Variants in KBTBD8 observed in about 807,000 individuals in gnomAD.
KBTBD8 encodes the protein kelch repeat and BTB domain containing 8.
Under a neutral mutation model 53.5 loss-of-function variants are expected in KBTBD8, and 31 were observed. The observed-to-expected ratio is 0.58, with a 90% CI of 0.44 to 0.78. KBTBD8 has a LOEUF of 0.78. Among genes scored for constraint, KBTBD8 ranks in the 30% least tolerant of loss-of-function variants. The probability of loss-of-function intolerance (pLI) is 0.00; values close to 1 mark genes in which losing one functional copy is unlikely to be tolerated. For synonymous variants in KBTBD8, 250 were observed against 247.3 expected (o/e 1.01, Z -0.10); for missense variants, 642 against 735.8 (o/e 0.87, Z 1.48).
chr3:67,008,986 T>C lies in KBTBD8; in HGVS notation c.*601T>C, dbSNP rs1372049976. 6.6e-6 allele frequency: 1 copy of C among 152,662 alleles called. No individual in the cohort carries two copies. Among genetic ancestry groups the C allele is most frequent in the Non-Finnish European group, 1.5e-5 (1 of 68,038 alleles). 9.5% of individuals were successfully genotyped at this position (152,662 alleles called of 1,614,324 possible). ...AGTCTGATTGTTTCCATTTCCCATG[T>C]AATTTTAAGTTAAGCTAAAGTTTTA... On this transcript the variant is annotated 3_prime_UTR_variant, in exon 4 of 4. Transcript: ENST00000417314.
intron 2 of KBTBD8, 68 bp from the exon 3 acceptor site, chr3:67,003,127 T>C (rs1575579357): frequency 6.8e-7 from 1 of 1,478,330 alleles, no homozygotes; most frequent in Non-Finnish European, 9.2e-7. Flanking sequence ...CTTTGTACTT[T>C]TAAAATCTTG....
In KBTBD8 at chr3:67,004,018, T is replaced by C. The variant is rs1702041774; in HGVS notation, c.1051T>C (p.Ser351Pro). 10 of 1,614,194 alleles carry C rather than the reference T, an allele frequency of 6.2e-6. No individual in the cohort carries two copies. The East Asian group carries it at 2.2e-4, about 36-fold the overall frequency. Residue 351 changes from serine (S) to proline (P), a missense_variant, in exon 3 of 4, where the codon TCC (serine) becomes CCC (proline). Transcript: ENST00000417314. ...GGYRPSSSEV[S>P]IDHKAENDFW... ...GTACAGGCCAAGCAGCAGTGAGGTC[T>C]CCATCGACCATAAGGCAGAAAATGA...
intron 3 of KBTBD8, 150 bp downstream of exon 3, chr3:67,004,459 G>C: frequency 1.5e-6 from 1 of 682,772 alleles, no homozygotes; most frequent in South Asian, 2.6e-5. Flanking sequence ...TCTGTAAAGA[G>C]CTATAAAGAA....
chr3:67,008,687 T>C lies in KBTBD8; in HGVS notation c.*302T>C. The C allele has an allele frequency of 3.1e-6, 1 of 318,134 alleles. No homozygotes were observed. The highest frequency in any genetic ancestry group is 5.9e-6 in the Non-Finnish European group (1 of 170,764). 19.7% of individuals were successfully genotyped at this position (318,134 alleles called of 1,614,324 possible). On this transcript the variant is annotated 3_prime_UTR_variant, in exon 4 of 4. Transcript: ENST00000417314. The stretch of plus-strand genomic sequence containing the variant: ...GGTACCAGATGAATCAGGACAACTA[T>C]GCACTCTTATAAGAGCATTTAGGGT...
chr3:67,000,449 T>A (rs1204143131), intron 2 of KBTBD8, among the ~76,000 whole-genome samples: 1 of 152,248 alleles, frequency 6.6e-6, no homozygotes, highest in Non-Finnish European at 1.5e-5. Flanking sequence ...AGCTCTAGGC[T>A]AAGCTTACTT....
At chr3:67,001,409 G>A (rs1291500680) in intron 2 of KBTBD8, among the ~76,000 whole-genome samples, 1 of 152,182 alleles carries the variant, frequency 6.6e-6, no homozygotes, top group Non-Finnish European at 1.5e-5. Context: ...TCTGGATTTT[G>A]TGTGAGGAAG....
In KBTBD8 at chr3:67,009,242, C is replaced by T. The variant is rs554962277; in HGVS notation, c.*857C>T. 6.5e-6 allele frequency: 1 copy of T among 152,722 alleles called. No individual in the cohort carries two copies. The highest frequency in any genetic ancestry group is 2.1e-4 in the South Asian group (1 of 4,832). 9.5% of individuals were successfully genotyped at this position (152,722 alleles called of 1,614,324 possible). ...TCTTGTGATTTCACAAGATTCTCTA[C>T]TTATGTGATAGGAGGGTATGGCCAG... On this transcript the variant is annotated 3_prime_UTR_variant, in exon 4 of 4. Transcript: ENST00000417314.
At chr3:66,998,886 A>G (rs1225147441) in intron 1 of KBTBD8, 95 bp from the exon 2 acceptor site, 44 of 935,682 alleles carry the variant, frequency 4.7e-5, no homozygotes, top group Non-Finnish European at 6.9e-5. Flanking sequence ...TTGTAGGGGG[A>G]AAAAGCCTAG....
intron 1 of KBTBD8, among the ~76,000 whole-genome samples, chr3:66,998,601 G>A (rs191939144): frequency 1.8e-3 from 281 of 152,296 alleles, no homozygotes; most frequent in African/African-American, 6.6e-3. Context: ...CCAGGAGGCA[G>A]CGGGAGGCGG....
intron 2 of KBTBD8, 59 bp from the exon 3 acceptor site, chr3:67,003,136 T>C (rs1457383329): frequency 2.0e-6 from 3 of 1,505,956 alleles, no homozygotes; most frequent in Non-Finnish European, 2.7e-6. Context: ...TTTAAAATCT[T>C]GCCACAATAA....
intron 3 of KBTBD8, among the ~76,000 whole-genome samples, chr3:67,006,804 G>A (rs922288231): frequency 6.6e-6 from 1 of 152,178 alleles, no homozygotes; most frequent in Non-Finnish European, 1.5e-5. Flanking sequence ...AGCTTATGTT[G>A]TACTATCTGT....
At position 67,004,143 on chromosome 3, in the gene KBTBD8, G is replaced by T. The variant is rs376670511; in HGVS notation, c.1176G>T (p.Met392Ile). Residue 392 changes from methionine (M) to isoleucine (I), a missense_variant, in exon 3 of 4, where the codon ATG becomes ATT. By Grantham distance (10) the Met-to-Ile change is conservative. Coordinates refer to ENST00000417314, the MANE Select transcript of KBTBD8 (RefSeq NM_032505.3). The stretch of plus-strand genomic sequence containing the variant: ...AACTTGTCTATTGCTGTGGTAAAAT[G>T]TATGCAATCGGAGGTCGTGTTTATG... ...GCKLVYCCGKMYAIGGRVYEG... is the reference protein window; with the variant it reads ...GCKLVYCCGKIYAIGGRVYEG... 6.8e-6 allele frequency: 11 copies of T among 1,614,076 alleles called. No individual in the cohort carries two copies. The highest frequency in any genetic ancestry group is 1.3e-5 in the African/African-American group (1 of 74,942).
At chr3:66,999,240 T>C in intron 2 of KBTBD8, 49 bp downstream of exon 2, 4 of 1,379,020 alleles carry the variant, frequency 2.9e-6, no homozygotes, top group East Asian at 2.3e-5. Context: ...AAGCTCCCTT[T>C]CCCCCTCAGT....
chr3:67,008,179 C>T lies in KBTBD8; in HGVS notation c.1600C>T (p.Leu534Phe). The T allele has an allele frequency of 3.1e-6, 5 of 1,614,054 alleles. No individual in the cohort carries two copies. Among genetic ancestry groups the T allele is most frequent in the Non-Finnish European group, 4.2e-6 (5 of 1,179,972 alleles). ...YLKLVLFQNK[L>F]HLFVRATQVT... ...TAAACTGGTACTTTTCCAGAACAAA[C>T]TCCATTTATTTGTTCGAGCTACTCA... is the stretch of plus-strand genomic sequence containing the variant. The change falls in exon 4 of 4, where the codon CTC (leucine) becomes TTC (phenylalanine). Residue 534 changes from leucine to phenylalanine, a missense_variant. By Grantham distance (22) the Leu-to-Phe change is conservative. Coordinates refer to ENST00000417314, the MANE Select transcript of KBTBD8 (RefSeq NM_032505.3).
chr3:67,008,355 G>C lies in KBTBD8; in HGVS notation c.1776G>C (p.Leu592=), dbSNP rs753155242. 1 of 1,611,796 alleles carries C rather than the reference G, an allele frequency of 6.2e-7. No individual in the cohort carries two copies. The highest frequency in any genetic ancestry group is 8.5e-7 in the Non-Finnish European group (1 of 1,178,698). The change falls in exon 4 of 4, where the codon CTG becomes CTC. Residue 592 remains leucine (L), a synonymous_variant. Coordinates refer to ENST00000417314, the MANE Select transcript of KBTBD8 (RefSeq NM_032505.3). The stretch of plus-strand genomic sequence containing the variant: ...ATTTTGAATGTGCTGTTGCTAAACT[G>C]TATCCTCAGTGTCTTCAGAAAGTAC... The part of the protein sequence containing the change: ...GRHFECAVAK[L]YPQCLQKVL
rs1370023619 is a variant in KBTBD8 at position 67,008,558 on chromosome 3, C to T, written c.*173C>T. 7 of 520,944 alleles carry T rather than the reference C, an allele frequency of 1.3e-5. No homozygotes were observed. Among genetic ancestry groups the T allele is most frequent in the African/African-American group, 1.3e-4 (7 of 53,056 alleles). The allele number at this position is 520,944 out of a possible 1,614,324, so 32.3% of individuals were successfully genotyped here. On this transcript the variant is annotated 3_prime_UTR_variant, in exon 4 of 4. Coordinates refer to ENST00000417314, the MANE Select transcript of KBTBD8 (RefSeq NM_032505.3). ...ATTTTCCTTCATCCTTGTGACATTTCATTTCAGTAAGGAAAAGATAACAAA... is the reference window on the plus strand; with the variant it reads ...ATTTTCCTTCATCCTTGTGACATTTTATTTCAGTAAGGAAAAGATAACAAA...
rs1356577219 is a variant in KBTBD8, at chr3:67,008,291, T to C, written c.1712T>C (p.Val571Ala). ...YDDIADQWMK[V>A]YETPDRLWDL... ...GACATTGCTGACCAGTGGATGAAAG[T>C]GTATGAGACCCCAGATCGGCTCTGG... Residue 571 changes from valine (V) to alanine (A), a missense_variant, in exon 4 of 4, where the codon GTG becomes GCG. By Grantham distance (64) the Val-to-Ala change is moderately conservative. Transcript: ENST00000417314. The C allele has an allele frequency of 6.2e-7, 1 of 1,613,790 alleles. No homozygotes were observed. The highest frequency in any genetic ancestry group is 1.7e-5 in the Admixed American group (1 of 60,008).
In KBTBD8 at chr3:66,999,325, A is replaced by G; in HGVS notation, c.227+134A>G. On this transcript the variant is annotated intron_variant, in intron 2 of 3. Transcript: ENST00000417314. The stretch of plus-strand genomic sequence containing the variant: ...TGACTTTGTTTCTTGAGACTAGAAA[A>G]CAAGTCCTCTCTTAACTAAGACCTT... The G allele has an allele frequency of 4.0e-6, 3 of 756,744 alleles. No homozygotes were observed. In the South Asian group the frequency reaches 5.0e-5, roughly 13 times the overall value. 46.9% of individuals were successfully genotyped at this position (756,744 alleles called of 1,614,324 possible). A position where few individuals can be genotyped will look rare whatever the true frequency, so the allele number is the denominator to read the frequency against.
chr3:67,003,490 A>G lies in KBTBD8; in HGVS notation c.523A>G (p.Ile175Val), dbSNP rs1702035685. 3 of 1,614,052 alleles carry G rather than the reference A, an allele frequency of 1.9e-6. No homozygotes were observed. Among genetic ancestry groups the G allele is most frequent in the African/African-American group, 2.7e-5 (2 of 74,946 alleles). The change falls in exon 3 of 4, where the codon ATT (isoleucine) becomes GTT (valine). Residue 175 changes from isoleucine to valine, a missense_variant. Coordinates refer to ENST00000417314, the MANE Select transcript of KBTBD8 (RefSeq NM_032505.3). ...QELGDRSKEY[I>V]RKKFLCVTKE... is the part of the protein sequence containing the mutation. ...ACTCGGAGATCGATCAAAAGAATAC[A>G]TTCGTAAAAAGTTTCTGTGTGTCAC...
Sources: allele counts gnomAD v4.1 joint callset (sites outside exome capture counted in the v4.1 genomes callset), GRCh38; gene constraint gnomAD v4.1.1; transcripts MANE v1.5; gene names NCBI Gene and HGNC (gene_info 2026-07-23, HGNC 2026-07-21).